AGTPBP1: variants seen among roughly 807,000 people sequenced by gnomAD.
AGTPBP1 encodes the protein cytosolic carboxypeptidase 1.
AGTPBP1 carries 70 observed loss-of-function variants against 143.9 expected under a neutral mutation model. The ratio of observed to expected loss-of-function variants is 0.49; its 90% confidence interval spans 0.40 to 0.59. The LOEUF (loss-of-function observed/expected upper bound fraction) is 0.59. Ranked by LOEUF, AGTPBP1 falls within the 20% of genes least tolerant of loss-of-function variation. The probability of loss-of-function intolerance (pLI) is 0.00; values close to 1 mark genes in which losing one functional copy is unlikely to be tolerated. For missense variants in AGTPBP1, 1,229 were observed against 1,464.5 expected (o/e 0.84, Z 2.62); for synonymous variants, 463 against 500.2 (o/e 0.93, Z 0.99).
intron 7 of AGTPBP1, among the ~76,000 whole-genome samples, chr9:85,670,877 C>A (rs1216957391): frequency 2.0e-5 from 3 of 152,130 alleles, no homozygotes; most frequent in Middle Eastern, 3.4e-3. Context: ...ATACTGTATT[C>A]CTTTGACCTT....
chr9:85,794,829 T>G, the AGTPBP1 span, among the ~76,000 whole-genome samples: 2 of 152,204 alleles, frequency 1.3e-5, no homozygotes, highest in Non-Finnish European at 2.9e-5. Context: ...TCAGTGTACA[T>G]GTCTTACACT....
intron 13 of AGTPBP1, among the ~76,000 whole-genome samples, chr9:85,639,650 A>G (rs1032812790): frequency 4.6e-5 from 7 of 152,214 alleles, no homozygotes; most frequent in African/African-American, 1.7e-4. Context: ...AAAATTTAAA[A>G]CCAAATTTAA....
intron 14 of AGTPBP1, among the ~76,000 whole-genome samples, chr9:85,631,530 G>T (rs1564082960): frequency 6.6e-6 from 1 of 152,182 alleles, no homozygotes. Flanking sequence ...TCCCAGGGAG[G>T]TAAGTCCCCC....
chr9:85,581,867 A>G (rs934310574), intron 23 of AGTPBP1, among the ~76,000 whole-genome samples: 3 of 152,186 alleles, frequency 2.0e-5, no homozygotes, highest in African/African-American at 7.2e-5. Flanking sequence ...GAATGTCAAC[A>G]TGATGCTCAA....
At chr9:85,678,661 AATAG>A (rs1431605263) in intron 4 of AGTPBP1, among the ~76,000 whole-genome samples, 2 of 152,192 alleles carry the variant, frequency 1.3e-5, no homozygotes, top group Admixed American at 6.5e-5. Flanking sequence ...CTTTCTACCA[AATAG>A]ATAATAAAAG....
chr9:85,677,604 A>T (rs1160398633), intron 5 of AGTPBP1, 22 bp from the exon 6 acceptor site: 11 of 1,509,118 alleles, frequency 7.3e-6, no homozygotes, highest in Non-Finnish European at 9.7e-6. Flanking sequence ...AAAAAAAAAA[A>T]ATTTAAACAA....
Position 85,633,306 on chromosome 9 carries a change from A to G in AGTPBP1, c.1371T>C (p.Val457=). 1 of 1,613,672 alleles carries G rather than the reference A, an allele frequency of 6.2e-7. No individual in the cohort carries two copies. The highest frequency in any genetic ancestry group is 1.1e-5 in the South Asian group (1 of 90,966). ...ATGTTTCCTCGCCTGCCGTAGGAAC[A>G]ACAATAGGACCACGTACTTTTCCCT... ...VFEGKVRGPI[V]VPTAGEETSG... is the part of the protein sequence containing the mutation. The change falls in exon 14 of 26, where the codon GTT becomes GTC. Residue 457 remains valine (V), a synonymous_variant. Coordinates refer to ENST00000357081, the MANE Select transcript of AGTPBP1 (RefSeq NM_001330701.2).
intron 1 of AGTPBP1, among the ~76,000 whole-genome samples, chr9:85,721,208 T>G (rs932439983): frequency 6.6e-6 from 1 of 152,238 alleles, no homozygotes; most frequent in African/African-American, 2.4e-5. Context: ...TGAGTTCAAG[T>G]CCTGGATATC....
the AGTPBP1 span, among the ~76,000 whole-genome samples, chr9:85,786,731 G>A: frequency 1.3e-5 from 2 of 152,080 alleles, no homozygotes; most frequent in East Asian, 3.9e-4. Context: ...CTATAGATGT[G>A]TACATCTTCT....
intron 17 of AGTPBP1, among the ~76,000 whole-genome samples, chr9:85,602,198 C>G (rs1287816550): frequency 1.3e-5 from 2 of 151,610 alleles, no homozygotes; most frequent in Admixed American, 6.6e-5. Flanking sequence ...ATAATGGTAT[C>G]AAAGAAGCTC....
rs75054831 is a variant in AGTPBP1, at chr9:85,674,257, C to G, written c.437-1576G>C. ...AAAAATAAAAAGAATAGAAAAATCA[C>G]TCAAGAAATTACCATATAATGTCCT... is the stretch of plus-strand genomic sequence containing the variant. On this transcript the variant is annotated intron_variant, in intron 6 of 25. Transcript: ENST00000357081. Among the ~76,000 whole-genome samples, 30 of 151,594 alleles carry G rather than the reference C, an allele frequency of 2.0e-4. No individual in the cohort carries two copies. The East Asian group carries it at 5.2e-3, about 26-fold the overall frequency.
At position 85,657,450 on chromosome 9, in the gene AGTPBP1, C is replaced by G. The variant is rs1216792049; in HGVS notation, c.894G>C (p.Leu298=). 1.2e-6 allele frequency: 2 copies of G among 1,612,452 alleles called. No individual in the cohort carries two copies. The highest frequency in any genetic ancestry group is 3.3e-5 in the Admixed American group (2 of 59,900). ...AFIDANGMKI[L]YNTSQECLAV... Reference sequence around the variant, plus strand: ...AATAACTCACTTGCGAAGTATTATACAGAATTTTCATCCCATTGGCATCAA... The same window carrying G: ...AATAACTCACTTGCGAAGTATTATAGAGAATTTTCATCCCATTGGCATCAA... The change falls in exon 10 of 26, where the codon CTG becomes CTC. Residue 298 remains leucine (L), a synonymous_variant. Coordinates refer to ENST00000357081, the MANE Select transcript of AGTPBP1 (RefSeq NM_001330701.2).
At chr9:85,625,935 A>G (rs2133616530) in intron 14 of AGTPBP1, among the ~76,000 whole-genome samples, 1 of 141,786 alleles carries the variant, frequency 7.1e-6, no homozygotes, top group East Asian at 2.1e-4. Context: ...AGGATATATG[A>G]AAAAACAATG....
chr9:85,566,828 C>T (rs1039224752), intron 25 of AGTPBP1, among the ~76,000 whole-genome samples: 1 of 152,162 alleles, frequency 6.6e-6, no homozygotes, highest in Non-Finnish European at 1.5e-5. Flanking sequence ...CTTGTGAATG[C>T]AGCAGCTGGA....
chr9:85,654,077 A>T (rs554937406), intron 11 of AGTPBP1, among the ~76,000 whole-genome samples: 5 of 152,222 alleles, frequency 3.3e-5, no homozygotes, highest in Admixed American at 1.3e-4. Flanking sequence ...TAATAAATTT[A>T]TATCAAGGAT....
chr9:85,553,372 T>A (rs918078843), intron 25 of AGTPBP1, among the ~76,000 whole-genome samples: 1 of 152,242 alleles, frequency 6.6e-6, no homozygotes, highest in Non-Finnish European at 1.5e-5. Context: ...ATTCAATAAA[T>A]TACTTGAGAT....
In AGTPBP1 at chr9:85,697,445, G is replaced by GTTTTT. The variant is rs758082233; in HGVS notation, c.33-4637_33-4633dup. On this transcript the variant is annotated intron_variant, in intron 2 of 25. Transcript: ENST00000357081. ...AATTATGGGTCTTAATTTGTTTTTT[G>GTTTTT]TTTTTTTTTTTTTTTTTTTTTTTTT... is the stretch of plus-strand genomic sequence containing the variant. Among the ~76,000 whole-genome samples the GTTTTT allele has an allele frequency of 1.8e-3, 115 of 65,068 alleles. 1 individual carries two copies. The highest frequency in any genetic ancestry group is 2.4e-3 in the African/African-American group (37 of 15,314). 42.7% of individuals were successfully genotyped at this position (65,068 alleles called of 152,430 possible).
At chr9:85,612,130 C>T (rs1830350397) in intron 17 of AGTPBP1, among the ~76,000 whole-genome samples, 1 of 152,124 alleles carries the variant, frequency 6.6e-6, no homozygotes, top group Non-Finnish European at 1.5e-5. Flanking sequence ...GACCCCACTC[C>T]CTGACAAAGA....
At chr9:85,600,910 A>C (rs940165323) in intron 17 of AGTPBP1, among the ~76,000 whole-genome samples, 2 of 152,002 alleles carry the variant, frequency 1.3e-5, no homozygotes, top group Non-Finnish European at 2.9e-5. Context: ...CAGAGACCCC[A>C]CTTCCCAGCA....
Sources: allele counts gnomAD v4.1 joint callset (sites outside exome capture counted in the v4.1 genomes callset), GRCh38; gene constraint gnomAD v4.1.1; transcripts MANE v1.5; gene names NCBI Gene and HGNC (gene_info 2026-07-23, HGNC 2026-07-21).